Variants in NFIB observed in about 807,000 individuals in gnomAD.
NFIB encodes the protein nuclear factor 1 B-type.
In NFIB, 11 loss-of-function variants were observed where a neutral mutation model predicts 61.5. The ratio of observed to expected loss-of-function variants is 0.18; its 90% CI spans 0.11 to 0.30. The LOEUF (loss-of-function observed/expected upper bound fraction) is 0.30. Ranked by LOEUF, NFIB falls within the 10% of genes least tolerant of loss-of-function variation. The pLI, the probability that NFIB is intolerant of heterozygous loss-of-function variation, is 1.00. For missense variants in NFIB, 471 were observed against 608.9 expected (o/e 0.77, Z 2.38); for synonymous variants, 260 against 216.5 (o/e 1.20, Z -1.76).
At chr9:14,348,971 A>G (rs1465151414) in intron 1 of NFIB, among the ~76,000 whole-genome samples, 3 of 152,046 alleles carry the variant, frequency 2.0e-5, no homozygotes, top group Admixed American at 2.0e-4. Flanking sequence ...AACACCCGGC[A>G]CTTTTCCCTG....
At chr9:14,454,666 C>A in the NFIB span, among the ~76,000 whole-genome samples, 1 of 152,154 alleles carries the variant, frequency 6.6e-6, no homozygotes, top group Non-Finnish European at 1.5e-5. Context: ...CTATATTTGC[C>A]TTTTCCATCA....
chr9:14,518,314 T>G, the NFIB span, among the ~76,000 whole-genome samples: 1 of 152,210 alleles, frequency 6.6e-6, no homozygotes, highest in Non-Finnish European at 1.5e-5. Context: ...ACTCATGACT[T>G]GCTCCAGCTG....
At chr9:14,346,780 A>AG (rs984113249) in intron 1 of NFIB, among the ~76,000 whole-genome samples, 13 of 152,272 alleles carry the variant, frequency 8.5e-5, no homozygotes, top group African/African-American at 2.2e-4. Context: ...TAGAACCTTG[A>AG]GGGGGGGATC....
At chr9:14,216,231 T>C (rs1160910052) in intron 2 of NFIB, among the ~76,000 whole-genome samples, 1 of 152,214 alleles carries the variant, frequency 6.6e-6, no homozygotes, top group Non-Finnish European at 1.5e-5. Context: ...TAACAAACTA[T>C]ATAAATAATT....
intron 2 of NFIB, among the ~76,000 whole-genome samples, chr9:14,292,035 C>A (rs2059136854): frequency 6.6e-6 from 1 of 151,998 alleles, no homozygotes. Flanking sequence ...AAAGAAAAAA[C>A]CTAGTCTCTT....
the NFIB span, among the ~76,000 whole-genome samples, chr9:14,418,218 C>A: frequency 6.6e-6 from 1 of 152,190 alleles, no homozygotes; most frequent in Admixed American, 6.5e-5. Flanking sequence ...GCACCCCCAC[C>A]CTCAACCCCA....
intron 2 of NFIB, among the ~76,000 whole-genome samples, chr9:14,209,933 T>C (rs2050144689): frequency 6.6e-6 from 1 of 152,146 alleles, no homozygotes; most frequent in African/African-American, 2.4e-5. Flanking sequence ...ATTCACTTGG[T>C]GAGGGCTGGA....
At chr9:14,216,538 CTCTCCCTCTGTGTGTGTGTG>C (rs1431126900) in intron 2 of NFIB, among the ~76,000 whole-genome samples, 72 of 30,602 alleles carry the variant, frequency 2.4e-3, no homozygotes, top group African/African-American at 0.01. Context: ...CTCTCTCTCT[CTCTCCCTCTGTGTGTGTGTG>C]TGTGTGTGTG....
intron 1 of NFIB, among the ~76,000 whole-genome samples, chr9:14,343,515 G>T (rs992407299): frequency 6.6e-6 from 1 of 152,182 alleles, no homozygotes; most frequent in East Asian, 1.9e-4. Context: ...TGAAAGGGAT[G>T]TGGCTGTTGG....
chr9:14,305,876 A>C, intron 2 of NFIB: 1 of 713,384 alleles, frequency 1.4e-6, no homozygotes, highest in African/African-American at 1.8e-5. Flanking sequence ...CCAAGTTTGG[A>C]AATGACCTAC....
intron 1 of NFIB, among the ~76,000 whole-genome samples, chr9:14,345,005 C>A (rs1319386560): frequency 6.6e-6 from 1 of 152,100 alleles, no homozygotes; most frequent in Non-Finnish European, 1.5e-5. Flanking sequence ...TCGGCCCTTC[C>A]CAGCATCCAT....
intron 5 of NFIB, among the ~76,000 whole-genome samples, chr9:14,149,074 A>T (rs923106405): frequency 6.6e-6 from 1 of 152,222 alleles, no homozygotes; most frequent in African/African-American, 2.4e-5. Flanking sequence ...GACAGAATTT[A>T]AAAATTACTG....
Position 14,085,041 on chromosome 9 carries a change from A to G in NFIB, c.*3268T>C, listed in dbSNP as rs2032629583. ...TTCATTTGTTCACCTAATAGGTCAAAGATACATGAAGAGCTTGGCTGAGAT... is the reference window on the plus strand; with the variant it reads ...TTCATTTGTTCACCTAATAGGTCAAGGATACATGAAGAGCTTGGCTGAGAT... On this transcript the variant is annotated 3_prime_UTR_variant, in exon 11 of 11. Coordinates refer to ENST00000380953, the MANE Select transcript of NFIB (RefSeq NM_001190737.2). 2 of 227,432 alleles carry G rather than the reference A, an allele frequency of 8.8e-6. No individual in the cohort carries two copies. The highest frequency in any genetic ancestry group is 4.4e-5 in the African/African-American group (2 of 45,008). The allele number at this position is 227,432 out of a possible 1,614,324, so 14.1% of individuals were successfully genotyped here. A position where few individuals can be genotyped will look rare whatever the true frequency, so the allele number is the denominator to read the frequency against.
chr9:14,478,352 C>G, the NFIB span, among the ~76,000 whole-genome samples: 1 of 152,186 alleles, frequency 6.6e-6, no homozygotes, highest in African/African-American at 2.4e-5. Flanking sequence ...TCTCTCTCCT[C>G]TCCTTATCTT....
intron 2 of NFIB, among the ~76,000 whole-genome samples, chr9:14,251,066 G>A (rs753477435): frequency 1.3e-5 from 2 of 152,150 alleles, no homozygotes; most frequent in African/African-American, 4.8e-5. Flanking sequence ...CATAATTAAA[G>A]ATTATAGTAT....
At chr9:14,316,715 A>G (rs1395588881), upstream of NFIB, among the ~76,000 whole-genome samples, 1 of 152,094 alleles carries the variant, frequency 6.6e-6, no homozygotes, top group African/African-American at 2.4e-5. Flanking sequence ...CCAGCACGAA[A>G]GCATCACTTT....
chr9:14,275,470 C>T (rs957156285), intron 2 of NFIB, among the ~76,000 whole-genome samples: 3 of 152,118 alleles, frequency 2.0e-5, no homozygotes, highest in Admixed American at 6.6e-5. Context: ...AAGTGCACGG[C>T]GCCATGGTTA....
the NFIB span, among the ~76,000 whole-genome samples, chr9:14,515,051 G>C: frequency 1.3e-5 from 2 of 152,134 alleles, no homozygotes; most frequent in East Asian, 3.9e-4. Context: ...GAGACTAAAA[G>C]GCTAGGCTCT....
the NFIB span, among the ~76,000 whole-genome samples, chr9:14,495,033 G>C: frequency 1.3e-5 from 2 of 152,124 alleles, no homozygotes; most frequent in South Asian, 4.1e-4. Context: ...TCTTTAATTG[G>C]AAAAACATGT....
Sources: gnomAD v4.1 joint callset for allele counts (sites outside exome capture counted in the v4.1 genomes callset) on GRCh38, gnomAD v4.1.1 for gene constraint, MANE v1.5 for transcripts, NCBI Gene and HGNC (gene_info 2026-07-23, HGNC 2026-07-21) for gene names.